DIAPH2: variants seen among roughly 807,000 people sequenced by gnomAD.
DIAPH2 encodes the protein diaphanous related formin 2.
A neutral mutation model predicts 92.7 loss-of-function variants in DIAPH2; 35 were observed. The observed-to-expected ratio is 0.38, with a 90% confidence interval of 0.29 to 0.50. DIAPH2 has a LOEUF of 0.50. Among genes scored for constraint, DIAPH2 ranks in the 20% least tolerant of loss-of-function variants. DIAPH2 has a pLI of 0.94. For missense variants in DIAPH2, 701 were observed against 819.5 expected, an observed-to-expected ratio of 0.86 and a Z score of 1.77; for synonymous variants, 301 against 280.4, an observed-to-expected ratio of 1.07 and a Z score of -0.73.
At chrX:97,508,815 C>T (rs761187281) in intron 26 of DIAPH2, among the ~76,000 whole-genome samples, 4 of 110,759 alleles carry the variant, frequency 3.6e-5, no homozygotes, top group Non-Finnish European at 7.6e-5. Context: ...TCTGATTTGG[C>T]GCAGGACTTC....
chrX:96,698,661 C>T (rs779535603), intron 1 of DIAPH2, among the ~76,000 whole-genome samples: 5 of 109,384 alleles, frequency 4.6e-5, no homozygotes, highest in South Asian at 3.9e-4. Context: ...AAATAGATTA[C>T]GAATATACCA....
At chrX:96,738,543 A>C (rs1385143117) in intron 2 of DIAPH2, 43 bp from the exon 3 acceptor site, 1 of 1,100,757 alleles carries the variant, frequency 9.1e-7, no homozygotes, top group Non-Finnish European at 1.2e-6. Context: ...GTAGTTCTTG[A>C]TCTTTTTCTC....
rs369249181 is a variant in DIAPH2 at position 97,493,336 on chromosome X, A to G, written c.3241+63591A>G. 1.9e-4 allele frequency among the ~76,000 whole-genome samples: 21 copies of G among 111,112 alleles called. No individual in the cohort carries two copies. The East Asian group carries it at 5.1e-3, about 27-fold the overall frequency. On this transcript the variant is annotated intron_variant, in intron 26 of 26. Transcript: ENST00000324765. ...GAGTGCAATGGCACAATCTCGGCTC[A>G]CTGCAACCTCTGCCTCCCGGGTTCA...
chrX:97,182,558 G>A (rs1456415339), intron 22 of DIAPH2, among the ~76,000 whole-genome samples: 1 of 111,455 alleles, frequency 9.0e-6, no homozygotes, highest in African/African-American at 3.3e-5. Context: ...TTATTATTAG[G>A]TTACTGCAGT....
intron 23 of DIAPH2, among the ~76,000 whole-genome samples, chrX:97,310,996 G>A (rs1194019179): frequency 3.6e-5 from 4 of 111,061 alleles, no homozygotes; most frequent in South Asian, 7.5e-4. Flanking sequence ...GCGACAGAGC[G>A]AGACTCCATC....
intron 17 of DIAPH2, among the ~76,000 whole-genome samples, chrX:97,048,944 A>AT (rs2066502321): frequency 1.8e-5 from 2 of 109,341 alleles, no homozygotes; most frequent in Non-Finnish European, 3.8e-5. Context: ...ATACAAAGAC[A>AT]TTTTAGTTTC....
At chrX:97,135,248 G>C (rs557981103) in intron 21 of DIAPH2, among the ~76,000 whole-genome samples, 1 of 111,306 alleles carries the variant, frequency 9.0e-6, no homozygotes, top group African/African-American at 3.3e-5. Context: ...ACCCAGGCTG[G>C]AGTGCAGTGG....
In DIAPH2 at chrX:97,310,388, C is replaced by T. The variant is rs147639736; in HGVS notation, c.2845-37728C>T. ...AGACATTGCAAAGTATGTTCAAAGG[C>T]GATAAATGCCATAGGGTATAAAAGT... On this transcript the variant is annotated intron_variant, in intron 23 of 26. Coordinates refer to ENST00000324765, the MANE Select transcript of DIAPH2 (RefSeq NM_006729.5). 2.6e-3 allele frequency among the ~76,000 whole-genome samples: 286 copies of T among 111,507 alleles called. 1 individual carries two copies. The highest frequency in any genetic ancestry group is 8.8e-3 in the African/African-American group (269 of 30,727).
intron 23 of DIAPH2, among the ~76,000 whole-genome samples, chrX:97,322,043 ATG>A (rs958029429): frequency 8.9e-6 from 1 of 112,822 alleles, no homozygotes; most frequent in African/African-American, 3.2e-5. Context: ...GGATTAATAA[ATG>A]TTAATGTCAA....
chrX:97,176,025 T>C (rs2067488884), intron 22 of DIAPH2, among the ~76,000 whole-genome samples: 1 of 112,231 alleles, frequency 8.9e-6, no homozygotes, highest in Non-Finnish European at 1.9e-5. Flanking sequence ...TTTCAAGTTT[T>C]TGTATGTTAT....
At chrX:97,254,337 C>T (rs984574205) in intron 23 of DIAPH2, among the ~76,000 whole-genome samples, 12 of 109,924 alleles carry the variant, frequency 1.1e-4, no homozygotes, top group African/African-American at 3.3e-4. Context: ...ACTAAAAATA[C>T]GAAAATTAGC....
At chrX:97,575,037 G>A (rs1486502454) in intron 26 of DIAPH2, among the ~76,000 whole-genome samples, 1 of 112,558 alleles carries the variant, frequency 8.9e-6, no homozygotes, top group Admixed American at 9.3e-5. Context: ...TGAGCAACTG[G>A]ATATGAGGAT....
intron 17 of DIAPH2, among the ~76,000 whole-genome samples, chrX:96,992,620 T>C (rs748034867): frequency 3.6e-5 from 4 of 112,170 alleles, no homozygotes; most frequent in Non-Finnish European, 7.5e-5. Context: ...CTTCCCCAAA[T>C]AGTTTTCCTA....
intron 4 of DIAPH2, among the ~76,000 whole-genome samples, chrX:96,843,861 A>G (rs1003618403): frequency 2.7e-5 from 3 of 111,636 alleles, no homozygotes; most frequent in African/African-American, 9.8e-5. Flanking sequence ...AGCCTGTTTT[A>G]CTGAATGTAT....
intron 25 of DIAPH2, among the ~76,000 whole-genome samples, chrX:97,400,357 T>TTTCCC (rs1569386102): frequency 8.9e-6 from 1 of 112,236 alleles, no homozygotes; most frequent in Non-Finnish European, 1.9e-5. Context: ...ATAAAGCTGG[T>TTTCCC]TAGAAAGATA....
At chrX:97,423,619 C>T (rs1338688074) in intron 25 of DIAPH2, among the ~76,000 whole-genome samples, 1 of 111,582 alleles carries the variant, frequency 9.0e-6, no homozygotes, top group Non-Finnish European at 1.9e-5. Flanking sequence ...AAGTAGCTCA[C>T]ACAAAGCCCA....
chrX:97,390,010 A>G (rs762319739), intron 25 of DIAPH2, among the ~76,000 whole-genome samples: 1 of 110,525 alleles, frequency 9.0e-6, no homozygotes, highest in East Asian at 2.9e-4. Context: ...AATGTTTTAT[A>G]ATGTTCAAGT....
At chrX:97,125,471 C>CAAAAAAA (rs1159049051) in intron 21 of DIAPH2, among the ~76,000 whole-genome samples, 1 of 19,214 alleles carries the variant, frequency 5.2e-5, no homozygotes, top group Non-Finnish European at 2.0e-4. Flanking sequence ...GACTCCGTCT[C>CAAAAAAA]AAAAAAAAAA....
At chrX:97,213,807 C>T (rs1250245300) in intron 22 of DIAPH2, among the ~76,000 whole-genome samples, 1 of 111,862 alleles carries the variant, frequency 8.9e-6, no homozygotes, top group Non-Finnish European at 1.9e-5. Context: ...TTGTGTAGTA[C>T]CTGCCATTCA....
Sources: gnomAD v4.1 joint callset for allele counts (sites outside exome capture counted in the v4.1 genomes callset) on GRCh38, gnomAD v4.1.1 for gene constraint, MANE v1.5 for transcripts, NCBI Gene and HGNC (gene_info 2026-07-23, HGNC 2026-07-21) for gene names.